TAFA4: variants seen among roughly 807,000 people sequenced by gnomAD.
TAFA4 encodes chemokine-like protein TAFA-4.
TAFA4 carries 20 observed loss-of-function variants against 21.1 expected under a neutral mutation model. The ratio of observed to expected loss-of-function variants is 0.95; its 90% CI spans 0.67 to 1.38. TAFA4 has a LOEUF of 1.38. Among genes scored for constraint, TAFA4 ranks in the 40% most tolerant of loss-of-function variants. The pLI is 0.00. For synonymous variants in TAFA4, 71 were observed against 67.4 expected (o/e 1.05, Z -0.26); for missense variants, 211 against 180.9 (o/e 1.17, Z -0.95).
chr3:68,872,269 T>C (rs1341622192), intron 3 of TAFA4, among the ~76,000 whole-genome samples: 1 of 152,070 alleles, frequency 6.6e-6, no homozygotes, highest in South Asian at 2.1e-4. Flanking sequence ...CGGATGTAAC[T>C]GAAGGTCATT....
chr3:68,810,213 A>T (rs1414432526), intron 3 of TAFA4, among the ~76,000 whole-genome samples: 2 of 152,154 alleles, frequency 1.3e-5, no homozygotes, highest in African/African-American at 2.4e-5. Context: ...CTATTCGGCC[A>T]TCTTGGCTCC....
intron 3 of TAFA4, among the ~76,000 whole-genome samples, chr3:68,818,879 T>C (rs549689244): frequency 2.8e-4 from 42 of 152,326 alleles, no homozygotes; most frequent in Middle Eastern, 3.4e-3. Context: ...ATTACCCAAA[T>C]GGGACATAGA....
chr3:68,836,506 A>T (rs1704526299), intron 3 of TAFA4, among the ~76,000 whole-genome samples: 1 of 152,202 alleles, frequency 6.6e-6, no homozygotes, highest in Admixed American at 6.5e-5. Context: ...TGGTTATATT[A>T]CTTTACTCTG....
At chr3:68,749,539 C>T (rs1458258987) in intron 4 of TAFA4, among the ~76,000 whole-genome samples, 1 of 152,120 alleles carries the variant, frequency 6.6e-6, no homozygotes, top group Non-Finnish European at 1.5e-5. Context: ...CTAAAAAGCC[C>T]TAATGGAAAC....
At chr3:68,817,148 A>T (rs1313603270) in intron 3 of TAFA4, among the ~76,000 whole-genome samples, 2 of 152,252 alleles carry the variant, frequency 1.3e-5, no homozygotes, top group African/African-American at 4.8e-5. Flanking sequence ...CCTGCGTTTT[A>T]TCAAATAAAT....
chr3:68,878,573 C>CA (rs534568094), intron 3 of TAFA4, among the ~76,000 whole-genome samples: 56 of 152,044 alleles, frequency 3.7e-4, no homozygotes, highest in Non-Finnish European at 7.5e-4. Context: ...AACAAAAGGA[C>CA]AAATTGCTAG....
chr3:68,785,370 T>C (rs1337847959), intron 3 of TAFA4, among the ~76,000 whole-genome samples: 1 of 152,194 alleles, frequency 6.6e-6, no homozygotes, highest in Non-Finnish European at 1.5e-5. Flanking sequence ...GGGGCTGCGC[T>C]CTCGTCGGGG....
rs963537607 is a variant in TAFA4, at chr3:68,752,787, G to C, written c.286+76C>G. The stretch of plus-strand genomic sequence containing the variant: ...ACCCTAGGTTTCTTTGGGTTGCAAA[G>C]ACAGTAAAGTAGGGAAATTCCTGGT... On this transcript the variant is annotated intron_variant, in intron 4 of 5. Transcript: ENST00000295569. 3.8e-6 allele frequency: 6 copies of C among 1,588,772 alleles called. No homozygotes were observed. The African/African-American group carries it at 8.1e-5, about 21-fold the overall frequency.
chr3:68,824,244 A>T (rs1453677574), intron 3 of TAFA4, among the ~76,000 whole-genome samples: 3 of 152,248 alleles, frequency 2.0e-5, no homozygotes. Flanking sequence ...ATGTAAATTT[A>T]TGATGGTTCT....
At chr3:68,854,330 C>G (rs1705019515) in intron 3 of TAFA4, among the ~76,000 whole-genome samples, 1 of 152,054 alleles carries the variant, frequency 6.6e-6, no homozygotes, top group Non-Finnish European at 1.5e-5. Flanking sequence ...AGCCAGGACT[C>G]AGGCTGCACA....
intron 1 of TAFA4, among the ~76,000 whole-genome samples, chr3:68,898,308 G>A (rs1022892797): frequency 2.6e-5 from 4 of 152,196 alleles, no homozygotes; most frequent in African/African-American, 4.8e-5. Flanking sequence ...TTTTGCCCTC[G>A]TGTTTAAGTC....
chr3:68,865,901 T>C (rs11128100), intron 3 of TAFA4, among the ~76,000 whole-genome samples: 28,105 of 151,976 alleles, frequency 0.18, 3,924 homozygotes, highest in East Asian at 0.67. Flanking sequence ...CTATCTGCAA[T>C]GCACCTCCCT....
intron 3 of TAFA4, among the ~76,000 whole-genome samples, chr3:68,802,371 A>G (rs576753247): frequency 3.3e-5 from 5 of 152,256 alleles, no homozygotes; most frequent in Non-Finnish European, 2.9e-5. Flanking sequence ...TGTCATCTTT[A>G]GAACCTTGAT....
chr3:68,745,345 T>C (rs1395033997), intron 4 of TAFA4, among the ~76,000 whole-genome samples: 5 of 152,222 alleles, frequency 3.3e-5, no homozygotes, highest in South Asian at 2.1e-4. Flanking sequence ...GTAGGAGGCA[T>C]AGATATTTTT....
intron 3 of TAFA4, among the ~76,000 whole-genome samples, chr3:68,806,172 T>G (rs1656745777): frequency 6.6e-6 from 1 of 152,086 alleles, no homozygotes; most frequent in South Asian, 2.1e-4. Flanking sequence ...TATGCCTCAG[T>G]AGTCAGGAAA....
chr3:68,886,349 A>G (rs1255609326), intron 1 of TAFA4, among the ~76,000 whole-genome samples: 1 of 152,218 alleles, frequency 6.6e-6, no homozygotes, highest in Admixed American at 6.5e-5. Flanking sequence ...ATAGCTGTAT[A>G]AACACAAGTT....
At chr3:68,753,512 T>C (rs1702600806) in intron 3 of TAFA4, among the ~76,000 whole-genome samples, 2 of 152,014 alleles carry the variant, frequency 1.3e-5, no homozygotes, top group Non-Finnish European at 2.9e-5. Flanking sequence ...ATTTTTATAT[T>C]TTTAGTAGAG....
intron 1 of TAFA4, among the ~76,000 whole-genome samples, chr3:68,918,555 C>T (rs7639077): frequency 0.23 from 34,610 of 152,094 alleles, 3,994 homozygotes; most frequent in Middle Eastern, 0.33. Flanking sequence ...TTTATTTGCT[C>T]GAGACAGGGT....
chr3:68,746,758 T>TAC (rs1185515575), intron 4 of TAFA4, among the ~76,000 whole-genome samples: 1 of 152,176 alleles, frequency 6.6e-6, no homozygotes, highest in African/African-American at 2.4e-5. Context: ...AGTGCATGAG[T>TAC]ACACATACAC....
Sources: gnomAD v4.1 joint callset for allele counts (sites outside exome capture counted in the v4.1 genomes callset) on GRCh38, gnomAD v4.1.1 for gene constraint, MANE v1.5 for transcripts, NCBI Gene and HGNC (gene_info 2026-07-23, HGNC 2026-07-21) for gene names.